The following ATP8A2 variants were observed in gnomAD, a reference collection of about 807,000 sequenced individuals.
The protein encoded by ATP8A2 is ATPase phospholipid transporting 8A2, also known as phospholipid-transporting ATPase IB.
A neutral mutation model predicts 165.6 loss-of-function variants in ATP8A2; 100 were observed. The ratio of observed to expected loss-of-function variants is 0.60; its 90% CI spans 0.51 to 0.71. ATP8A2 has a LOEUF of 0.71. Among genes scored for constraint, ATP8A2 ranks in the 30% least tolerant of loss-of-function variants. The pLI is 0.00. For missense variants in ATP8A2, 1,227 were observed against 1,479.5 expected (o/e 0.83, Z 2.80); for synonymous variants, 543 against 548.8 (o/e 0.99, Z 0.15).
intron 33 of ATP8A2, among the ~76,000 whole-genome samples, chr13:25,952,157 C>T (rs1253378885): frequency 6.6e-6 from 1 of 152,294 alleles, no homozygotes; most frequent in African/African-American, 2.4e-5. Flanking sequence ...GAATCATCTT[C>T]AGAGGATGTC....
intron 1 of ATP8A2, among the ~76,000 whole-genome samples, chr13:25,464,925 C>A (rs1440063233): frequency 1.3e-5 from 2 of 152,216 alleles, no homozygotes; most frequent in East Asian, 3.8e-4. Flanking sequence ...CGGCCTTGAC[C>A]TTCCACTCTC....
At chr13:25,961,728 A>C in intron 34 of ATP8A2, 65 bp downstream of exon 34, 243 of 1,193,430 alleles carry the variant, frequency 2.0e-4, no homozygotes, top group Non-Finnish European at 2.8e-4. Flanking sequence ...TGTCTTTCTC[A>C]TGAGTCCTGC....
At chr13:25,937,746 G>C (rs1954947697) in intron 33 of ATP8A2, among the ~76,000 whole-genome samples, 1 of 151,236 alleles carries the variant, frequency 6.6e-6, no homozygotes. Context: ...CTACTTGGGA[G>C]GCTGAGGCAG....
chr13:25,417,584 T>C (rs1184825980), intron 1 of ATP8A2, among the ~76,000 whole-genome samples: 1 of 115,494 alleles, frequency 8.7e-6, no homozygotes, highest in Non-Finnish European at 1.9e-5. Context: ...ATTGTTCAAT[T>C]TAGACTTGTT....
intron 33 of ATP8A2, among the ~76,000 whole-genome samples, chr13:25,893,863 C>G (rs4576926): frequency 0.08 from 12,133 of 152,180 alleles, 1,258 homozygotes; most frequent in African/African-American, 0.23. Context: ...TGAGAAGTGT[C>G]TGTTCATATC....
intron 1 of ATP8A2, among the ~76,000 whole-genome samples, chr13:25,402,569 T>C (rs989833728): frequency 3.9e-5 from 6 of 152,212 alleles, no homozygotes; most frequent in African/African-American, 1.4e-4. Context: ...TCTAATTCTT[T>C]CTTTGCCTGT....
intron 1 of ATP8A2, among the ~76,000 whole-genome samples, chr13:25,427,018 C>A (rs146880295): frequency 1.3e-5 from 2 of 152,180 alleles, no homozygotes; most frequent in African/African-American, 4.8e-5. Flanking sequence ...AAAACACCAG[C>A]GCAAGATGTT....
chr13:25,964,648 C>G (rs1281077388), intron 34 of ATP8A2, among the ~76,000 whole-genome samples: 2 of 152,182 alleles, frequency 1.3e-5, no homozygotes, highest in Non-Finnish European at 2.9e-5. Context: ...CAAGTATCTA[C>G]TGAGGCACGA....
chr13:25,839,540 C>T lies in ATP8A2; in HGVS notation c.2878-6C>T. On this transcript the variant is annotated splice_polypyrimidine_tract_variant and splice_region_variant and intron_variant, in intron 29 of 36. Coordinates refer to ENST00000381655, the MANE Select transcript of ATP8A2 (RefSeq NM_016529.6). ...CTCCTGACTCCCTTGGTTTGTTTTTCCTTAGGTTTTCTGGGGTCACTGCAT... is the reference window on the plus strand; with the variant it reads ...CTCCTGACTCCCTTGGTTTGTTTTTTCTTAGGTTTTCTGGGGTCACTGCAT... 6.2e-7 allele frequency: 1 copy of T among 1,613,172 alleles called. No individual in the cohort carries two copies. Among genetic ancestry groups the T allele is most frequent in the Non-Finnish European group, 8.5e-7 (1 of 1,179,224 alleles).
intron 1 of ATP8A2, among the ~76,000 whole-genome samples, chr13:25,466,815 C>T (rs144775233): frequency 6.6e-6 from 1 of 152,210 alleles, no homozygotes; most frequent in Non-Finnish European, 1.5e-5. Flanking sequence ...CCTGTCCCTA[C>T]TGTCCTGGAG....
At chr13:25,808,163 T>C (rs1276576894) in intron 27 of ATP8A2, among the ~76,000 whole-genome samples, 1 of 151,640 alleles carries the variant, frequency 6.6e-6, no homozygotes, top group Non-Finnish European at 1.5e-5. Context: ...AGGGTCTTGC[T>C]GTGTCACCCA....
At chr13:25,657,379 G>A (rs80144023) in intron 24 of ATP8A2, among the ~76,000 whole-genome samples, 5,229 of 152,230 alleles carry the variant, frequency 0.034, 157 homozygotes, top group East Asian at 0.13. Context: ...GTCCCTCTCC[G>A]TGAAGCAGGA....
chr13:25,685,457 G>C (rs1259279987), intron 24 of ATP8A2, among the ~76,000 whole-genome samples: 1 of 152,202 alleles, frequency 6.6e-6, no homozygotes, highest in Non-Finnish European at 1.5e-5. Flanking sequence ...TAGTGGGGAG[G>C]GTGGACAGTG....
At chr13:25,525,197 A>G (rs2037804536) in intron 2 of ATP8A2, among the ~76,000 whole-genome samples, 1 of 152,026 alleles carries the variant, frequency 6.6e-6, no homozygotes, top group Non-Finnish European at 1.5e-5. Flanking sequence ...TTTTAACTCT[A>G]TCTCCCCTAC....
At chr13:25,416,916 A>G (rs1047761501) in intron 1 of ATP8A2, among the ~76,000 whole-genome samples, 1 of 152,182 alleles carries the variant, frequency 6.6e-6, no homozygotes, top group Non-Finnish European at 1.5e-5. Context: ...GAAAGGAACA[A>G]TAAGCCAAGC....
chr13:25,426,476 C>T (rs1398992192), intron 1 of ATP8A2, among the ~76,000 whole-genome samples: 1 of 152,164 alleles, frequency 6.6e-6, no homozygotes, highest in Admixed American at 6.5e-5. Flanking sequence ...TGTATTTCAA[C>T]ATGAGATTTG....
chr13:25,774,409 G>A (rs2044694248), intron 26 of ATP8A2, among the ~76,000 whole-genome samples: 10 of 152,092 alleles, frequency 6.6e-5, no homozygotes, highest in Admixed American at 6.5e-4. Context: ...GGGCCTGTTG[G>A]GGAGGCAGGG....
intron 35 of ATP8A2, among the ~76,000 whole-genome samples, chr13:26,000,700 C>CA (rs5802358): frequency 0.14 from 15,939 of 110,096 alleles, 1,588 homozygotes; most frequent in African/African-American, 0.26. Flanking sequence ...AGTACAGAGC[C>CA]AAAAAAAAAA....
rs9551214 is a variant in ATP8A2, at chr13:25,623,903, A to G, written c.2211+34204A>G. Among the ~76,000 whole-genome samples, 68 of 152,200 alleles carry G rather than the reference A, an allele frequency of 4.5e-4. 3 individuals are homozygous for G. In the East Asian group the frequency reaches 8.9e-3, roughly 20 times the overall value. ...CTATATATGCATATATCTATAATGC[A>G]TGTATGTATGTGTGTGCATATATAT... On this transcript the variant is annotated intron_variant, in intron 24 of 36. Coordinates refer to ENST00000381655, the MANE Select transcript of ATP8A2 (RefSeq NM_016529.6).
Sources: allele counts gnomAD v4.1 joint callset (sites outside exome capture counted in the v4.1 genomes callset), GRCh38; gene constraint gnomAD v4.1.1; transcripts MANE v1.5; gene names NCBI Gene and HGNC (gene_info 2026-07-23, HGNC 2026-07-21).